The following PEPD variants were observed in gnomAD, a reference collection of about 807,000 sequenced individuals.
PEPD encodes peptidase D.
In PEPD, 53 loss-of-function variants were observed where a neutral mutation model predicts 60.7. The observed-to-expected ratio is 0.87, with a 90% CI of 0.70 to 1.10. The LOEUF is 1.10. Among genes scored for constraint, PEPD ranks in the 50% least tolerant of loss-of-function variants. PEPD has a pLI of 0.00. For missense variants in PEPD, 711 were observed against 711.9 expected, an observed-to-expected ratio of 1.00 and a Z score of 0.01; for synonymous variants, 267 against 284.1, an observed-to-expected ratio of 0.94 and a Z score of 0.60.
At chr19:33,413,409 G>T (rs1384128548) in intron 10 of PEPD, among the ~76,000 whole-genome samples, 166 bp downstream of exon 10, 2 of 152,160 alleles carry the variant, frequency 1.3e-5, no homozygotes, top group Non-Finnish European at 1.5e-5. Context: ...CTCAGCTCCG[G>T]GAGTCTTGGG....
chr19:33,453,945 A>G (rs759577623), intron 9 of PEPD, among the ~76,000 whole-genome samples: 3 of 152,226 alleles, frequency 2.0e-5, no homozygotes, highest in Non-Finnish European at 2.9e-5. Flanking sequence ...ATAAACCACA[A>G]TAAAGTAGTG....
At chr19:33,511,422 C>A in intron 2 of PEPD, 1 of 453,276 alleles carries the variant, frequency 2.2e-6, no homozygotes, top group Non-Finnish European at 4.2e-6. Flanking sequence ...ACCTGTATCC[C>A]CACCCCCGGG....
intron 12 of PEPD, among the ~76,000 whole-genome samples, chr19:33,394,937 C>T (rs1027202750): frequency 6.6e-5 from 10 of 152,220 alleles, no homozygotes; most frequent in African/African-American, 2.4e-4. Flanking sequence ...CCGCTGCACA[C>T]CCCTTGGATG....
intron 12 of PEPD, among the ~76,000 whole-genome samples, chr19:33,398,229 G>C (rs748507034): frequency 6.6e-6 from 1 of 152,232 alleles, no homozygotes; most frequent in Non-Finnish European, 1.5e-5. Flanking sequence ...CTGATGCTTG[G>C]GTGTACAGGG....
rs564929529 is a variant in PEPD at position 33,486,293 on chromosome 19, G to C, written c.503+3703C>G. On this transcript the variant is annotated intron_variant, in intron 6 of 14. Transcript: ENST00000244137. ...CATGCCCCCGCCAGGACCTGGCAATGAGCACCCGACCCCATGCCCACACCC... is the reference window on the plus strand; with the variant it reads ...CATGCCCCCGCCAGGACCTGGCAATCAGCACCCGACCCCATGCCCACACCC... Among the ~76,000 whole-genome samples, 58 of 128,738 alleles carry C rather than the reference G, an allele frequency of 4.5e-4. No homozygotes were observed. The East Asian group carries it at 0.013, about 28-fold the overall frequency. 84.5% of individuals were successfully genotyped at this position (128,738 alleles called of 152,430 possible). A position where few individuals can be genotyped will look rare whatever the true frequency, so the allele number is the denominator to read the frequency against.
At chr19:33,419,575 T>C (rs991331666) in intron 9 of PEPD, among the ~76,000 whole-genome samples, 2 of 152,148 alleles carry the variant, frequency 1.3e-5, no homozygotes, top group African/African-American at 2.4e-5. Context: ...GCTTATGGTT[T>C]TGACCCGGAT....
intron 9 of PEPD, among the ~76,000 whole-genome samples, chr19:33,432,971 C>A (rs1175004847): frequency 1.3e-5 from 2 of 152,214 alleles, no homozygotes; most frequent in African/African-American, 2.4e-5. Flanking sequence ...TGGCCTGGAG[C>A]GACAGGCTCC....
At chr19:33,495,576 C>T (rs1190963773) in intron 4 of PEPD, among the ~76,000 whole-genome samples, 1 of 152,118 alleles carries the variant, frequency 6.6e-6, no homozygotes, top group African/African-American at 2.4e-5. Flanking sequence ...GTTTACCATG[C>T]TCCTGGCCCA....
chr19:33,409,869 T>C (rs1968723041), intron 11 of PEPD, among the ~76,000 whole-genome samples: 1 of 152,130 alleles, frequency 6.6e-6, no homozygotes. Flanking sequence ...GGCCCACACA[T>C]GGGGTGAGGT....
chr19:33,428,451 C>A (rs1340875771), intron 9 of PEPD, among the ~76,000 whole-genome samples: 1 of 152,240 alleles, frequency 6.6e-6, no homozygotes. Flanking sequence ...TCCTGGCCCA[C>A]CTTCCCACCA....
intron 9 of PEPD, among the ~76,000 whole-genome samples, chr19:33,450,252 C>T (rs1213901521): frequency 1.3e-5 from 2 of 152,238 alleles, no homozygotes; most frequent in African/African-American, 2.4e-5. Context: ...TGTGCCCCTT[C>T]CCAAGGAGCC....
At chr19:33,454,624 G>T (rs1969762141) in intron 9 of PEPD, among the ~76,000 whole-genome samples, 1 of 151,032 alleles carries the variant, frequency 6.6e-6, no homozygotes, top group Non-Finnish European at 1.5e-5. Context: ...AAAAAAGAAA[G>T]AAAGTACAAT....
chr19:33,486,035 A>T (rs1970391791), intron 6 of PEPD, among the ~76,000 whole-genome samples: 1 of 151,810 alleles, frequency 6.6e-6, no homozygotes, highest in African/African-American at 2.4e-5. Context: ...ACAATCCCCC[A>T]ACAGACCATC....
chr19:33,394,212 C>T (rs8107339), intron 12 of PEPD, among the ~76,000 whole-genome samples: 32,788 of 152,232 alleles, frequency 0.22, 3,947 homozygotes, highest in Admixed American at 0.29. Flanking sequence ...TGCTTCCTCT[C>T]GGACGCGCCC....
intron 3 of PEPD, among the ~76,000 whole-genome samples, chr19:33,509,356 T>C (rs1221732920): frequency 6.6e-6 from 1 of 152,150 alleles, no homozygotes; most frequent in Non-Finnish European, 1.5e-5. Flanking sequence ...CCAATTGTGC[T>C]CCAGGCTGAG....
intron 9 of PEPD, among the ~76,000 whole-genome samples, chr19:33,457,337 G>A (rs1415644096): frequency 3.9e-5 from 6 of 152,062 alleles, no homozygotes; most frequent in African/African-American, 7.2e-5. Context: ...GGGCTGAGGC[G>A]GGAGGATCAC....
Position 33,512,696 on chromosome 19 carries a change from C to G in PEPD, c.98G>C (p.Arg33Pro). The change falls in exon 2 of 15, where the codon CGG (arginine) becomes CCG (proline). Residue 33 changes from arginine to proline, a missense_variant. Coordinates refer to ENST00000244137, the MANE Select transcript of PEPD (RefSeq NM_000285.4). ...FALNRQRLCERLRKNPAVQAG... is the reference protein window; with the variant it reads ...FALNRQRLCEPLRKNPAVQAG... ...CTGCACAGCAGGGTTCTTCCGCAGC[C>G]GCTCACACAGGCGCTGCCGGTTCAA... 1 of 1,614,064 alleles carries G rather than the reference C, an allele frequency of 6.2e-7. No homozygotes were observed. Among genetic ancestry groups the G allele is most frequent in the Non-Finnish European group, 8.5e-7 (1 of 1,179,980 alleles).
At chr19:33,488,594 T>C (rs1446026121) in intron 6 of PEPD, among the ~76,000 whole-genome samples, 1 of 152,004 alleles carries the variant, frequency 6.6e-6, no homozygotes, top group Admixed American at 6.5e-5. Flanking sequence ...GCTGGGCTAA[T>C]TGCTGCCAGG....
At chr19:33,499,221 A>G (rs1970664441) in intron 4 of PEPD, among the ~76,000 whole-genome samples, 3 of 152,120 alleles carry the variant, frequency 2.0e-5, no homozygotes, top group African/African-American at 4.8e-5. Flanking sequence ...GTTAAGAGTC[A>G]CCCCCAAAAG....
Sources: allele counts gnomAD v4.1 joint callset (sites outside exome capture counted in the v4.1 genomes callset), GRCh38; gene constraint gnomAD v4.1.1; transcripts MANE v1.5; gene names NCBI Gene and HGNC (gene_info 2026-07-23, HGNC 2026-07-21).